Variants in C12orf56 observed in about 807,000 individuals in gnomAD.
C12orf56 encodes the protein uncharacterized protein C12orf56.
A neutral mutation model predicts 69.9 loss-of-function variants in C12orf56; 71 were observed. The ratio of observed to expected loss-of-function variants is 1.02; its 90% CI spans 0.84 to 1.24. The LOEUF is 1.24. Ranked by LOEUF, C12orf56 falls within the 50% of genes most tolerant of loss-of-function variation. The pLI, the probability that C12orf56 is intolerant of heterozygous loss-of-function variation, is 0.00. For synonymous variants in C12orf56, 276 were observed against 274.1 expected (o/e 1.01, Z -0.07); for missense variants, 732 against 738.5 (o/e 0.99, Z 0.10).
chr12:64,267,169 T>A lies in C12orf56; in HGVS notation c.*14A>T. ...ATTTTATACTCTTATTAACATTGCGTACATTGTTTGTTTCTATTCAACCAA... is the reference window on the plus strand; with the variant it reads ...ATTTTATACTCTTATTAACATTGCGAACATTGTTTGTTTCTATTCAACCAA... On this transcript the variant is annotated 3_prime_UTR_variant, in exon 13 of 13. Transcript: ENST00000543942. The A allele has an allele frequency of 6.5e-7, 1 of 1,531,746 alleles. No individual in the cohort carries two copies. Among genetic ancestry groups the A allele is most frequent in the Non-Finnish European group, 9.0e-7 (1 of 1,114,530 alleles). The allele number at this position is 1,531,746 out of a possible 1,614,324, so 94.9% of individuals were successfully genotyped here.
intron 3 of C12orf56, among the ~76,000 whole-genome samples, chr12:64,329,421 C>T (rs887728780): frequency 6.6e-6 from 1 of 152,042 alleles, no homozygotes; most frequent in Non-Finnish European, 1.5e-5. Flanking sequence ...AATGACTTTC[C>T]ACCAATCTCA....
At chr12:64,366,160 C>T (rs1460520752) in intron 1 of C12orf56, among the ~76,000 whole-genome samples, 63 of 122,978 alleles carry the variant, frequency 5.1e-4, no homozygotes, top group African/African-American at 9.9e-5. Context: ...TAATATATAG[C>T]TTGTATAATA....
At position 64,390,631 on chromosome 12, in the gene C12orf56, C is replaced by T; in HGVS notation, c.-66G>A. 1 of 1,385,550 alleles carries T rather than the reference C, an allele frequency of 7.2e-7. No homozygotes were observed. Among genetic ancestry groups the T allele is most frequent in the Non-Finnish European group, 9.3e-7 (1 of 1,078,474 alleles). The allele number at this position is 1,385,550 out of a possible 1,614,324, so 85.8% of individuals were successfully genotyped here. A position where few individuals can be genotyped will look rare whatever the true frequency, so the allele number is the denominator to read the frequency against. On this transcript the variant is annotated 5_prime_UTR_variant, in exon 1 of 13. Coordinates refer to ENST00000543942, the MANE Select transcript of C12orf56 (RefSeq NM_001170633.2). The stretch of plus-strand genomic sequence containing the variant: ...CCCTCAGCTCGCCCTCTCCCCGCCC[C>T]CGCGCTGGAACCCGCGCGCCACAAA...
intron 2 of C12orf56, among the ~76,000 whole-genome samples, chr12:64,342,767 G>C (rs987618917): frequency 6.6e-6 from 1 of 152,204 alleles, no homozygotes; most frequent in African/African-American, 2.4e-5. Context: ...CAGGCCAAGA[G>C]CTGTTTCTCA....
intron 3 of C12orf56, among the ~76,000 whole-genome samples, chr12:64,325,484 AC>A (rs2136852377): frequency 6.6e-6 from 1 of 152,334 alleles, no homozygotes; most frequent in African/African-American, 2.4e-5. Flanking sequence ...CCGAAGGACT[AC>A]TGGGGGAAAA....
intron 6 of C12orf56, among the ~76,000 whole-genome samples, chr12:64,290,934 TA>T (rs1289383335): frequency 0.045 from 558 of 12,486 alleles, no homozygotes; most frequent in African/African-American, 0.063. Flanking sequence ...TTGATCTGTC[TA>T]ATGTTGACAG....
At chr12:64,380,066 C>T (rs1354548579) in intron 1 of C12orf56, among the ~76,000 whole-genome samples, 1 of 124,786 alleles carries the variant, frequency 8.0e-6, no homozygotes, top group Non-Finnish European at 1.6e-5. Flanking sequence ...GATCGTGCCA[C>T]TGCACTCCAG....
chr12:64,383,034 T>C (rs1295606547), intron 1 of C12orf56, among the ~76,000 whole-genome samples: 2 of 152,016 alleles, frequency 1.3e-5, no homozygotes, highest in African/African-American at 2.4e-5. Flanking sequence ...CTTTGATCTC[T>C]GGCCGGGCGC....
At chr12:64,378,897 A>G (rs1477785027) in intron 1 of C12orf56, among the ~76,000 whole-genome samples, 1 of 152,012 alleles carries the variant, frequency 6.6e-6, no homozygotes, top group Admixed American at 6.5e-5. Context: ...TTAAAAATAC[A>G]AACATTAGCC....
At chr12:64,278,713 C>T (rs975301864) in intron 8 of C12orf56, among the ~76,000 whole-genome samples, 4 of 152,132 alleles carry the variant, frequency 2.6e-5, no homozygotes, top group African/African-American at 9.7e-5. Context: ...TCCTGTCTAA[C>T]TGAAGTTTTG....
At position 64,308,924 on chromosome 12, in the gene C12orf56, GA is replaced by G. The variant is rs796854917; in HGVS notation, c.968+3754del. 3.9e-3 allele frequency among the ~76,000 whole-genome samples: 180 copies of G among 45,952 alleles called. 1 individual carries two copies. The highest frequency in any genetic ancestry group is 7.9e-3 in the East Asian group (10 of 1,260). The allele number at this position is 45,952 out of a possible 152,430, so 30.1% of individuals were successfully genotyped here. ...AGAAAGAAAGAAAGAAAGAAAGAAA[GA>G]AAGAAAGAAAGAAAGAAGAAAGAAA... On this transcript the variant is annotated intron_variant, in intron 5 of 12. Transcript: ENST00000543942.
chr12:64,356,887 T>C (rs1399783549), intron 1 of C12orf56, among the ~76,000 whole-genome samples: 2 of 152,200 alleles, frequency 1.3e-5, no homozygotes, highest in African/African-American at 4.8e-5. Flanking sequence ...TTTCCATGTC[T>C]ATTATTTAAT....
intron 6 of C12orf56, among the ~76,000 whole-genome samples, chr12:64,302,220 C>T (rs990705166): frequency 2.0e-5 from 3 of 152,146 alleles, no homozygotes; most frequent in Admixed American, 2.0e-4. Flanking sequence ...AGGATCCATC[C>T]AGTACCAACC....
At chr12:64,281,539 T>G (rs1404615737) in intron 8 of C12orf56, among the ~76,000 whole-genome samples, 2 of 152,078 alleles carry the variant, frequency 1.3e-5, no homozygotes, top group Non-Finnish European at 2.9e-5. Context: ...GCCATTGCAC[T>G]CCAGCCTGGG....
chr12:64,306,427 T>G (rs2038512981), intron 5 of C12orf56, among the ~76,000 whole-genome samples: 1 of 151,682 alleles, frequency 6.6e-6, no homozygotes, highest in Non-Finnish European at 1.5e-5. Flanking sequence ...TTGTTTTTTT[T>G]TTTTTTTTTA....
At position 64,390,138 on chromosome 12, in the gene C12orf56, A is replaced by G. The variant is rs371917299; in HGVS notation, c.252+176T>C. ...CGAGGAGAATGGGAGACGTGTTTGT[A>G]TTAGGAGTGCTCACAGCAATCCACA... is the stretch of plus-strand genomic sequence containing the variant. On this transcript the variant is annotated intron_variant, in intron 1 of 12. Coordinates refer to ENST00000543942, the MANE Select transcript of C12orf56 (RefSeq NM_001170633.2). Among the ~76,000 whole-genome samples, 39 of 152,204 alleles carry G rather than the reference A, an allele frequency of 2.6e-4. 1 individual carries two copies. In the South Asian group the frequency reaches 6.9e-3, roughly 27 times the overall value.
intron 1 of C12orf56, among the ~76,000 whole-genome samples, chr12:64,359,809 G>T (rs1023085032): frequency 1.3e-5 from 2 of 152,106 alleles, no homozygotes; most frequent in African/African-American, 4.8e-5. Context: ...CTCTTCCTGG[G>T]TTCAAGCAAT....
chr12:64,318,270 C>T (rs1045933233), intron 4 of C12orf56, among the ~76,000 whole-genome samples: 4 of 152,000 alleles, frequency 2.6e-5, no homozygotes, highest in Non-Finnish European at 4.4e-5. Flanking sequence ...ACCATCTTGG[C>T]CAGGCTGGTC....
intron 1 of C12orf56, among the ~76,000 whole-genome samples, chr12:64,380,118 A>AAAC: frequency 1.2e-5 from 1 of 84,312 alleles, no homozygotes; most frequent in African/African-American, 3.6e-5. Flanking sequence ...AAAAAAAAAA[A>AAAC]AAAAAAAAAA....
Sources: gnomAD v4.1 joint callset for allele counts (sites outside exome capture counted in the v4.1 genomes callset) on GRCh38, gnomAD v4.1.1 for gene constraint, MANE v1.5 for transcripts, NCBI Gene and HGNC (gene_info 2026-07-23, HGNC 2026-07-21) for gene names.